Variants in BNC2 observed in about 807,000 individuals in gnomAD.
BNC2 encodes the protein basonuclin zinc finger protein 2, also known as zinc finger protein basonuclin-2.
BNC2 carries 20 observed loss-of-function variants against 76.3 expected under a neutral mutation model. The observed-to-expected ratio is 0.26, with a 90% CI of 0.18 to 0.38. The LOEUF is 0.38. Ranked by LOEUF, BNC2 falls within the 10% of genes least tolerant of loss-of-function variation. The probability of loss-of-function intolerance (pLI) is 1.00; values close to 1 mark genes in which losing one functional copy is unlikely to be tolerated. For synonymous variants in BNC2, 582 were observed against 514.8 expected (o/e 1.13, Z -1.77); for missense variants, 1,382 against 1,399.8 (o/e 0.99, Z 0.20).
intron 6 of BNC2, among the ~76,000 whole-genome samples, chr9:16,435,326 G>A (rs778560157): frequency 2.6e-5 from 4 of 152,118 alleles, no homozygotes; most frequent in Non-Finnish European, 4.4e-5. Flanking sequence ...GAAAAATGGC[G>A]TGCATTACGG....
intron 5 of BNC2, among the ~76,000 whole-genome samples, chr9:16,514,067 A>G (rs1003875042): frequency 6.6e-6 from 1 of 152,174 alleles, no homozygotes; most frequent in African/African-American, 2.4e-5. Context: ...CTTCTCTGAG[A>G]TGGCAGGATG....
At chr9:16,708,357 T>TA (rs1281733227) in intron 3 of BNC2, among the ~76,000 whole-genome samples, 1 of 152,198 alleles carries the variant, frequency 6.6e-6, no homozygotes, top group African/African-American at 2.4e-5. Flanking sequence ...GAACTTCTAT[T>TA]AAAAACAGGA....
intron 3 of BNC2, among the ~76,000 whole-genome samples, chr9:16,680,415 T>C (rs1822790640): frequency 6.6e-6 from 1 of 152,034 alleles, no homozygotes; most frequent in African/African-American, 2.4e-5. Context: ...TATAAAAATA[T>C]AAATTCACAT....
intron 1 of BNC2, among the ~76,000 whole-genome samples, chr9:16,841,722 T>TAA (rs1002267621): frequency 5.3e-5 from 8 of 151,768 alleles, no homozygotes; most frequent in African/African-American, 1.9e-4. Context: ...AATAAAAGAT[T>TAA]AATCCATGAA....
chr9:16,589,710 A>C (rs1475633724), intron 3 of BNC2, among the ~76,000 whole-genome samples: 1 of 151,800 alleles, frequency 6.6e-6, no homozygotes, highest in Non-Finnish European at 1.5e-5. Context: ...GGGTTTCACC[A>C]TGTTGGTCAG....
chr9:16,610,550 T>A (rs1267700739), intron 3 of BNC2, among the ~76,000 whole-genome samples: 3 of 152,198 alleles, frequency 2.0e-5, no homozygotes, highest in Admixed American at 1.3e-4. Flanking sequence ...TCTGATCAGT[T>A]GGCCCAACAG....
At chr9:16,810,227 A>G (rs1047690098) in intron 1 of BNC2, among the ~76,000 whole-genome samples, 8 of 152,196 alleles carry the variant, frequency 5.3e-5, no homozygotes, top group African/African-American at 1.9e-4. Context: ...TATGCAATCC[A>G]TAGGACAGGC....
chr9:16,691,501 GTTCT>G (rs1215245057), intron 3 of BNC2, among the ~76,000 whole-genome samples: 3 of 95,298 alleles, frequency 3.1e-5, no homozygotes, highest in East Asian at 5.0e-4. Flanking sequence ...ATGGGTATGG[GTTCT>G]TTTTTTTTTT....
intron 5 of BNC2, among the ~76,000 whole-genome samples, chr9:16,473,701 T>C (rs1821871090): frequency 6.6e-6 from 1 of 151,936 alleles, no homozygotes; most frequent in Non-Finnish European, 1.5e-5. Context: ...GGTGAAACTC[T>C]GTCTCTACTA....
At chr9:16,806,094 C>A (rs1417795102) in intron 1 of BNC2, among the ~76,000 whole-genome samples, 2 of 152,114 alleles carry the variant, frequency 1.3e-5, no homozygotes, top group African/African-American at 4.8e-5. Context: ...GGGGAGAATA[C>A]TGAAGATTAA....
intron 3 of BNC2, among the ~76,000 whole-genome samples, chr9:16,693,218 G>T (rs6475068): frequency 2.0e-5 from 3 of 151,584 alleles, no homozygotes; most frequent in African/African-American, 7.3e-5. Flanking sequence ...GCAACCAACC[G>T]TTTCACAATT....
At chr9:16,456,031 A>T (rs1821441001) in intron 5 of BNC2, among the ~76,000 whole-genome samples, 2 of 147,706 alleles carry the variant, frequency 1.4e-5, no homozygotes, top group South Asian at 4.4e-4. Context: ...ATCAACAGGT[A>T]GCTGATTTTC....
At chr9:16,694,371 A>G (rs1194045562) in intron 3 of BNC2, among the ~76,000 whole-genome samples, 1 of 152,194 alleles carries the variant, frequency 6.6e-6, no homozygotes, top group Admixed American at 6.5e-5. Context: ...TTTAAAAAAA[A>G]GTTTCAGTAG....
chr9:16,611,866 CA>C, intron 3 of BNC2, among the ~76,000 whole-genome samples: 1 of 152,162 alleles, frequency 6.6e-6, no homozygotes, highest in Non-Finnish European at 1.5e-5. Flanking sequence ...GTAAATTTAT[CA>C]TATAAATGTC....
chr9:16,582,639 G>A (rs1235200121), intron 4 of BNC2, among the ~76,000 whole-genome samples: 1 of 152,128 alleles, frequency 6.6e-6, no homozygotes, highest in Non-Finnish European at 1.5e-5. Flanking sequence ...TTCCCTCTGA[G>A]GTCCAGGCCC....
chr9:16,431,997 G>A (rs749981640), intron 6 of BNC2, among the ~76,000 whole-genome samples: 5 of 152,284 alleles, frequency 3.3e-5, no homozygotes, highest in Admixed American at 6.5e-5. Context: ...CTGCAGCCCC[G>A]GGGTTGGGGA....
intron 1 of BNC2, among the ~76,000 whole-genome samples, chr9:16,819,730 TTA>T (rs1459353073): frequency 6.6e-6 from 1 of 152,148 alleles, no homozygotes; most frequent in Admixed American, 6.5e-5. Flanking sequence ...AAGACTACCT[TTA>T]TGTTTCATGC....
At chr9:16,570,094 A>T (rs1819278249) in intron 4 of BNC2, among the ~76,000 whole-genome samples, 1 of 152,170 alleles carries the variant, frequency 6.6e-6, no homozygotes, top group South Asian at 2.1e-4. Flanking sequence ...CACTTTAAAG[A>T]CTTAATTTTC....
chr9:16,588,988 A>C (rs1440267534), intron 3 of BNC2, among the ~76,000 whole-genome samples: 2 of 152,244 alleles, frequency 1.3e-5, no homozygotes, highest in Admixed American at 6.5e-5. Flanking sequence ...TTAAAAATGC[A>C]AAATATGGCC....
Sources: gnomAD v4.1 joint callset for allele counts (sites outside exome capture counted in the v4.1 genomes callset) on GRCh38, gnomAD v4.1.1 for gene constraint, MANE v1.5 for transcripts, NCBI Gene and HGNC (gene_info 2026-07-23, HGNC 2026-07-21) for gene names.